SAP130: variants seen among roughly 807,000 people sequenced by gnomAD.
SAP130 encodes histone deacetylase complex subunit SAP130.
A neutral mutation model predicts 103.2 loss-of-function variants in SAP130; 16 were observed. The ratio of observed to expected loss-of-function variants is 0.16; its 90% CI spans 0.10 to 0.24. The LOEUF is 0.24. SAP130 is among the 10% of genes least tolerant of loss of function. The probability of loss-of-function intolerance (pLI) is 1.00; values close to 1 mark genes in which losing one functional copy is unlikely to be tolerated. For synonymous variants in SAP130, 477 were observed against 497.0 expected (o/e 0.96, Z 0.53); for missense variants, 990 against 1,359.7 (o/e 0.73, Z 4.28).
Position 128,027,927 on chromosome 2 carries a change from G to T in SAP130, c.-7+13C>A. On this transcript the variant is annotated intron_variant, in intron 1 of 20. Coordinates refer to ENST00000643581, the MANE Select transcript of SAP130 (RefSeq NM_001330301.2). ...TCCTCCCCTTCCCTCCCGGGCGCCC[G>T]TCCCGCCATTACCTGGGTGCTGCGC... 1.0e-6 allele frequency: 1 copy of T among 983,866 alleles called. No individual in the cohort carries two copies. The highest frequency in any genetic ancestry group is 1.2e-6 in the Non-Finnish European group (1 of 829,520). The allele number at this position is 983,866 out of a possible 1,614,324, so 60.9% of individuals were successfully genotyped here. A position where few individuals can be genotyped will look rare whatever the true frequency, so the allele number is the denominator to read the frequency against.
At chr2:127,990,039 G>A (rs1427514297) in intron 12 of SAP130, among the ~76,000 whole-genome samples, 173 bp from the exon 13 acceptor site, 1 of 152,062 alleles carries the variant, frequency 6.6e-6, no homozygotes, top group Non-Finnish European at 1.5e-5. Context: ...ACTTGGGATT[G>A]TTATTTCCTT....
rs1682415215 is a variant in SAP130 at position 127,986,661 on chromosome 2, A to T, written c.1958+124T>A. ...CCTGTGGTCAAGTTGTTTTGGAGGA[A>T]ATTTTAACACACCACAGAAAATGAG... is the stretch of plus-strand genomic sequence containing the variant. On this transcript the variant is annotated intron_variant, in intron 14 of 20. Transcript: ENST00000643581. This position sits in a 1 kb window ranked among gnomAD's most constrained non-coding sequence, Gnocchi z 4.7. 1.8e-6 allele frequency: 2 copies of T among 1,112,864 alleles called. No homozygotes were observed. The highest frequency in any genetic ancestry group is 2.3e-5 in the Admixed American group (1 of 43,920). The allele number at this position is 1,112,864 out of a possible 1,614,324, so 68.9% of individuals were successfully genotyped here. A position where few individuals can be genotyped will look rare whatever the true frequency, so the allele number is the denominator to read the frequency against.
rs199971441 is a variant in SAP130, at chr2:128,013,128, T to C, written c.646A>G (p.Ser216Gly). 1 of 1,610,444 alleles carries C rather than the reference T, an allele frequency of 6.2e-7. No individual in the cohort carries two copies. Among genetic ancestry groups the C allele is most frequent in the Admixed American group, 1.7e-5 (1 of 59,334 alleles). ...CTCAGGACTGTGGTTACTTTAGAAC[T>C]GGACATCACAGCAGCAGCAGCTGCA... ...RGAAAAAVMS[S>G]SKVTTVLRPT... The change falls in exon 6 of 21, where the codon AGT becomes GGT. Residue 216 changes from serine to glycine, a missense_variant. This residue lies in a region of SAP130 where 336 missense variants were observed against 520.1 expected (regional missense o/e 0.65). Coordinates refer to ENST00000643581, the MANE Select transcript of SAP130 (RefSeq NM_001330301.2).
chr2:127,963,190 A>T lies in SAP130; in HGVS notation c.2064-7846T>A, dbSNP rs1473027739. Among the ~76,000 whole-genome samples the T allele has an allele frequency of 3.3e-5, 5 of 152,106 alleles. 1 individual carries two copies. Among genetic ancestry groups the T allele is most frequent in the African/African-American group, 7.2e-5 (3 of 41,420 alleles). ...TTTGCTTATCAAGTTTTTTCTTGAC[A>T]AAAGTAGTTTGTTTTTTAAATAATT... On this transcript the variant is annotated intron_variant, in intron 15 of 20. Coordinates refer to ENST00000643581, the MANE Select transcript of SAP130 (RefSeq NM_001330301.2).
chr2:127,959,286 G>A (rs1680068407), intron 15 of SAP130, among the ~76,000 whole-genome samples: 1 of 152,142 alleles, frequency 6.6e-6, no homozygotes, highest in African/African-American at 2.4e-5. Context: ...AAAGTCCCAA[G>A]AAAAGCCTAC....
In SAP130 at chr2:127,955,583, C is replaced by T. The variant is rs1679784655; in HGVS notation, c.2064-239G>A. ...CTCACCGCAACCTCTGTCTTCTGGG[C>T]TCGAGGGATTCTCCCACCTCATCCT... On this transcript the variant is annotated intron_variant, in intron 15 of 20. Coordinates refer to ENST00000643581, the MANE Select transcript of SAP130 (RefSeq NM_001330301.2). This position sits in a 1 kb window ranked among gnomAD's most constrained non-coding sequence, Gnocchi z 4.9. 6.6e-6 allele frequency among the ~76,000 whole-genome samples: 1 copy of T among 152,090 alleles called. No individual in the cohort carries two copies. Among genetic ancestry groups the T allele is most frequent in the African/African-American group, 2.4e-5 (1 of 41,396 alleles).
intron 9 of SAP130, 38 bp downstream of exon 9, chr2:128,000,018 T>C: frequency 6.3e-7 from 1 of 1,595,816 alleles, no homozygotes; most frequent in Non-Finnish European, 8.6e-7. Flanking sequence ...TTGCCTCCTT[T>C]TTCCCCAGTA....
At chr2:127,993,378 C>T in intron 11 of SAP130, 70 bp from the exon 12 acceptor site, 1 of 1,485,230 alleles carries the variant, frequency 6.7e-7, no homozygotes, top group South Asian at 1.4e-5. Context: ...ATCCTATACC[C>T]CAGTTCCTCT....
At chr2:127,991,231 C>A (rs1419179182) in intron 12 of SAP130, among the ~76,000 whole-genome samples, 2 of 152,042 alleles carry the variant, frequency 1.3e-5, no homozygotes, top group African/African-American at 4.8e-5. Flanking sequence ...GCCTGGGCAA[C>A]AGAGTGAAAC....
chr2:127,979,775 G>A (rs889791373), intron 14 of SAP130, among the ~76,000 whole-genome samples: 22 of 152,016 alleles, frequency 1.4e-4, no homozygotes, highest in African/African-American at 4.1e-4. Flanking sequence ...AATATGATAC[G>A]AGCAGGTAGG....
chr2:127,950,274 A>C lies in SAP130; in HGVS notation c.2557T>G (p.Ser853Ala). Reference sequence around the variant, plus strand: ...TCCATCATGTCACCTTCTTCTGTTGAGATCACATGCTGTTGCTTTCGAGGC... The same window carrying C: ...TCCATCATGTCACCTTCTTCTGTTGCGATCACATGCTGTTGCTTTCGAGGC... Reference protein sequence around the residue: ...KKPRKQQHVISTEEGDMMETN... With the variant: ...KKPRKQQHVIATEEGDMMETN... The change falls in exon 17 of 21, where the codon TCA (serine) becomes GCA (alanine). Residue 853 changes from serine (S) to alanine (A), a missense_variant. Physicochemically the swap from Ser to Ala is moderately conservative, Grantham distance 99 (BLOSUM62 1). This residue lies in a region of SAP130 where 8 missense variants were observed against 28.6 expected (regional missense o/e 0.28). Coordinates refer to ENST00000643581, the MANE Select transcript of SAP130 (RefSeq NM_001330301.2). 6.2e-7 allele frequency: 1 copy of C among 1,614,170 alleles called. No homozygotes were observed. The highest frequency in any genetic ancestry group is 8.5e-7 in the Non-Finnish European group (1 of 1,180,026).
rs1249303544 is a variant in SAP130 at position 128,014,850 on chromosome 2, T to C, written c.572A>G (p.Asn191Ser). The part of the protein sequence containing the change: ...TNVQMSIIRS[N>S]APGPPLHIGA... Reference sequence around the variant, plus strand: ...AATGTGAAGAGGGGGCCCAGGAGCATTGCTGCGGATGATAGACATTTGCAC... The same window carrying C: ...AATGTGAAGAGGGGGCCCAGGAGCACTGCTGCGGATGATAGACATTTGCAC... Residue 191 changes from asparagine to serine, a missense_variant, in exon 5 of 21, where the codon AAT (asparagine) becomes AGT (serine). Physicochemically the swap from Asn to Ser is conservative, Grantham distance 46 (BLOSUM62 1). Coordinates refer to ENST00000643581, the MANE Select transcript of SAP130 (RefSeq NM_001330301.2). 12 of 1,614,020 alleles carry C rather than the reference T, an allele frequency of 7.4e-6. No homozygotes were observed. Among genetic ancestry groups the C allele is most frequent in the African/African-American group, 1.3e-5 (1 of 74,882 alleles).
At chr2:128,011,330 A>T (rs1352713825) in intron 6 of SAP130, among the ~76,000 whole-genome samples, 1 of 152,230 alleles carries the variant, frequency 6.6e-6, no homozygotes, top group African/African-American at 2.4e-5. Flanking sequence ...CCTCTAAAAA[A>T]TAAGCTCCAC....
intron 1 of SAP130, 26 bp from the exon 2 acceptor site, chr2:128,026,324 AT>A (rs1558710236): frequency 6.8e-7 from 1 of 1,474,920 alleles, no homozygotes; most frequent in African/African-American, 1.4e-5. Flanking sequence ...TTATATGGTT[AT>A]TACTAGATTC....
intron 15 of SAP130, among the ~76,000 whole-genome samples, chr2:127,964,955 C>T (rs1680542481): frequency 6.6e-6 from 1 of 150,536 alleles, no homozygotes; most frequent in South Asian, 2.1e-4. Flanking sequence ...GCCGAGAACG[C>T]GCCACTGCGC....
intron 15 of SAP130, among the ~76,000 whole-genome samples, chr2:127,967,032 G>T (rs997897494): frequency 9.9e-5 from 15 of 152,074 alleles, no homozygotes; most frequent in Admixed American, 9.2e-4. Flanking sequence ...CAATATCAGA[G>T]AAAATGGATG....
At chr2:127,997,482 C>T (rs1048532872) in intron 10 of SAP130, among the ~76,000 whole-genome samples, 1 of 152,216 alleles carries the variant, frequency 6.6e-6, no homozygotes, top group African/African-American at 2.4e-5. Flanking sequence ...GCTGCACAGA[C>T]CCACTGTGAT....
chr2:128,027,335 C>T (rs1475820440), intron 1 of SAP130: 14 of 1,138,480 alleles, frequency 1.2e-5, no homozygotes, highest in East Asian at 8.4e-5. Context: ...CGCCCATTGG[C>T]CCCACGCCCG....
intron 15 of SAP130, among the ~76,000 whole-genome samples, chr2:127,960,286 A>T (rs995585570): frequency 6.6e-6 from 1 of 152,164 alleles, no homozygotes; most frequent in African/African-American, 2.4e-5. Flanking sequence ...AGGTGAAGGG[A>T]ATTCAGAGCC....
Sources: gnomAD v4.1 joint callset for allele counts (sites outside exome capture counted in the v4.1 genomes callset) on GRCh38, gnomAD v4.1.1 for gene constraint, gnomAD v4.1.1 regional missense constraint, Gnocchi (gnomAD v3.1) non-coding constraint, MANE v1.5 for transcripts, NCBI Gene and HGNC (gene_info 2026-07-23, HGNC 2026-07-21) for gene names.